Variants in KTN1 observed in about 807,000 individuals in gnomAD.
KTN1 encodes the protein kinectin.
In KTN1, 130 loss-of-function variants were observed where a neutral mutation model predicts 222.5. That is an observed-to-expected ratio of 0.58 (90% CI 0.51 to 0.68). The LOEUF (loss-of-function observed/expected upper bound fraction) is 0.68. Among genes scored for constraint, KTN1 ranks in the 30% least tolerant of loss-of-function variants. The probability of loss-of-function intolerance (pLI) is 0.00; values close to 1 mark genes in which losing one functional copy is unlikely to be tolerated. For missense variants in KTN1, 1,508 were observed against 1,500.4 expected (o/e 1.01, Z -0.08); for synonymous variants, 512 against 496.3 (o/e 1.03, Z -0.42).
intron 22 of KTN1, among the ~76,000 whole-genome samples, chr14:55,650,059 T>C (rs1472576118): frequency 6.6e-6 from 1 of 152,056 alleles, no homozygotes; most frequent in East Asian, 1.9e-4. Context: ...GAATGGAACT[T>C]GATTCTCCTC....
At chr14:55,682,166 T>C (rs1037308524) in intron 43 of KTN1, 1 of 152,170 alleles carries the variant, frequency 6.6e-6, no homozygotes, top group Non-Finnish European at 1.5e-5. Flanking sequence ...TCCTGATACA[T>C]AGTACTTAGC....
chr14:55,650,290 G>T lies in KTN1; in HGVS notation c.2406-38G>T, dbSNP rs200539015. 2.9e-6 allele frequency: 4 copies of T among 1,384,640 alleles called. No homozygotes were observed. In the East Asian group the frequency reaches 7.0e-5, roughly 24 times the overall value. 85.8% of individuals were successfully genotyped at this position (1,384,640 alleles called of 1,614,324 possible). ...TTTTTATATCTTGGTGGGTCTTGGTGATTTCTAATCAAATTATACTGCATT... is the reference window on the plus strand; with the variant it reads ...TTTTTATATCTTGGTGGGTCTTGGTTATTTCTAATCAAATTATACTGCATT... On this transcript the variant is annotated intron_variant, in intron 22 of 43. Coordinates refer to ENST00000395314, the MANE Select transcript of KTN1 (RefSeq NM_001079521.2).
intron 1 of KTN1, among the ~76,000 whole-genome samples, chr14:55,584,666 A>G (rs1387338774): frequency 2.6e-5 from 4 of 152,164 alleles, no homozygotes; most frequent in African/African-American, 9.7e-5. Context: ...ACCTTCTGTC[A>G]TACTATATAA....
chr14:55,634,577 T>C lies in KTN1; in HGVS notation c.1380T>C (p.Asn460=), dbSNP rs1299105601. The C allele has an allele frequency of 1.2e-6, 2 of 1,613,848 alleles. No individual in the cohort carries two copies. Among genetic ancestry groups the C allele is most frequent in the Admixed American group, 3.3e-5 (2 of 60,002 alleles). Residue 460 remains asparagine, a synonymous_variant, in exon 9 of 44, where the codon AAT becomes AAC. Transcript: ENST00000395314. ...GCCAGGATTATGCTAGGTTGGTGAA[T>C]GAGCTGACTGAGAAAACAGGAAAGC... is the stretch of plus-strand genomic sequence containing the variant. The part of the protein sequence containing the change: ...KLRQDYARLV[N]ELTEKTGKLQ...
At chr14:55,603,717 C>G (rs1185531109) in intron 1 of KTN1, among the ~76,000 whole-genome samples, 1 of 152,226 alleles carries the variant, frequency 6.6e-6, no homozygotes, top group Non-Finnish European at 1.5e-5. Context: ...CCAGCCTTCA[C>G]TTGTCATGTG....
At chr14:55,667,394 C>A in intron 34 of KTN1, 64 bp downstream of exon 34, 2 of 898,936 alleles carry the variant, frequency 2.2e-6, no homozygotes, top group Non-Finnish European at 3.5e-6. Context: ...GAATAAGCAA[C>A]ATCATTTGCA....
chr14:55,606,794 AAC>A (rs2036794250), intron 1 of KTN1, among the ~76,000 whole-genome samples: 1 of 152,154 alleles, frequency 6.6e-6, no homozygotes, highest in Non-Finnish European at 1.5e-5. Flanking sequence ...CAATTAACCA[AAC>A]AGTAAAATGT....
intron 14 of KTN1, 44 bp downstream of exon 14, chr14:55,640,047 A>G (rs769344000): frequency 3.6e-5 from 40 of 1,123,950 alleles, no homozygotes; most frequent in African/African-American, 7.8e-5. Context: ...TACAGAACTG[A>G]AATTTAAATT....
chr14:55,667,378 A>T, intron 34 of KTN1, 48 bp downstream of exon 34: 4 of 1,124,286 alleles, frequency 3.6e-6, no homozygotes, highest in Non-Finnish European at 5.3e-6. Context: ...TATTCAAGAA[A>T]GGTGTGAATA....
intron 32 of KTN1, 71 bp from the exon 33 acceptor site, chr14:55,663,884 C>T (rs775313047): frequency 2.9e-6 from 3 of 1,052,460 alleles, no homozygotes; most frequent in Non-Finnish European, 4.3e-6. Flanking sequence ...GTGCAAAATA[C>T]TGATGAAGTA....
intron 14 of KTN1, 37 bp downstream of exon 14, chr14:55,640,040 A>G (rs748040254): frequency 8.2e-7 from 1 of 1,224,628 alleles, no homozygotes; most frequent in East Asian, 2.3e-5. Context: ...AATATTTTAC[A>G]GAACTGAAAT....
chr14:55,681,725 C>CTGGATTGT (rs1204775295), intron 43 of KTN1: 1 of 152,082 alleles, frequency 6.6e-6, no homozygotes. Flanking sequence ...GAATGATAGG[C>CTGGATTGT]TGGATTGTTA....
rs374265603 is a variant in KTN1, at chr14:55,670,768, A to G, written c.3307A>G (p.Lys1103Glu). 2.9e-5 allele frequency: 47 copies of G among 1,611,394 alleles called. No individual in the cohort carries two copies. The highest frequency in any genetic ancestry group is 3.8e-5 in the Non-Finnish European group (45 of 1,178,280). ...EWLHGFEKKA[K>E]ECMAGTSGSE... ...GTTGCATGGATTTGAAAAAAAGGCA[A>G]AAGAATGTATGGCTGGAACTTCAGG... Residue 1103 changes from lysine (K) to glutamate (E), a missense_variant, in exon 35 of 44, where the codon AAA becomes GAA. Coordinates refer to ENST00000395314, the MANE Select transcript of KTN1 (RefSeq NM_001079521.2).
chr14:55,658,708 A>T (rs1015452319), intron 30 of KTN1, 94 bp downstream of exon 30: 13 of 726,858 alleles, frequency 1.8e-5, no homozygotes, highest in Non-Finnish European at 2.6e-5. Flanking sequence ...CTGCATTTTC[A>T]TTGAGAATGA....
intron 11 of KTN1, 137 bp downstream of exon 11, chr14:55,637,501 G>A: frequency 1.4e-6 from 1 of 723,500 alleles, no homozygotes; most frequent in Non-Finnish European, 2.2e-6. Flanking sequence ...TGTCTTTTGA[G>A]CACTTGTCAC....
At chr14:55,582,653 A>C (rs1414793221) in intron 1 of KTN1, among the ~76,000 whole-genome samples, 1 of 152,180 alleles carries the variant, frequency 6.6e-6, no homozygotes, top group South Asian at 2.1e-4. Context: ...GTATGCCTAT[A>C]ATTTTTATAG....
At chr14:55,620,951 TTC>T (rs2039056307) in intron 5 of KTN1, among the ~76,000 whole-genome samples, 1 of 152,168 alleles carries the variant, frequency 6.6e-6, no homozygotes, top group Admixed American at 6.5e-5. Flanking sequence ...CCAAACTTTA[TTC>T]TCTGTTTCCC....
chr14:55,593,473 A>T (rs556625219), intron 1 of KTN1, among the ~76,000 whole-genome samples: 191 of 146,370 alleles, frequency 1.3e-3, no homozygotes, highest in African/African-American at 4.5e-3. Context: ...AACTTGTTAA[A>T]CACTGTGAGG....
chr14:55,657,397 G>GTTTTTTTTTTTTTTTTTTTT (rs35297700), intron 29 of KTN1, among the ~76,000 whole-genome samples: 6 of 137,658 alleles, frequency 4.4e-5, no homozygotes, highest in African/African-American at 1.6e-4. Context: ...CTGAGTTGAC[G>GTTTTTTTTTTTTTTTTTTTT]TTTTTTTTTT....
Sources: allele counts gnomAD v4.1 joint callset (sites outside exome capture counted in the v4.1 genomes callset), GRCh38; gene constraint gnomAD v4.1.1; transcripts MANE v1.5; gene names NCBI Gene and HGNC (gene_info 2026-07-23, HGNC 2026-07-21).